ARPC2: variants seen among roughly 807,000 people sequenced by gnomAD.
ARPC2 encodes the protein actin-related protein 2/3 complex subunit 2.
In ARPC2, 4 loss-of-function variants were observed where a neutral mutation model predicts 38.6. The observed-to-expected ratio is 0.10, with a 90% CI of 0.05 to 0.24. The LOEUF (loss-of-function observed/expected upper bound fraction) is 0.24. ARPC2 is among the 10% of genes least tolerant of loss of function. The probability of loss-of-function intolerance (pLI) is 1.00; values close to 1 mark genes in which losing one functional copy is unlikely to be tolerated. For missense variants in ARPC2, 229 were observed against 387.3 expected, an observed-to-expected ratio of 0.59 and a Z score of 3.43; for synonymous variants, 125 against 140.8, an observed-to-expected ratio of 0.89 and a Z score of 0.79.
At position 218,219,242 on chromosome 2, in the gene ARPC2, G is replaced by A. The variant is rs139072039; in HGVS notation, c.74+1698G>A. On this transcript the variant is annotated intron_variant, in intron 2 of 10. Coordinates refer to ENST00000315717, the MANE Select transcript of ARPC2 (RefSeq NM_152862.3). ...GATTCCAAAATGTGGCCCATTATTCGGAACTTCAGTTCTTTCTTTTTCTTT... is the reference window on the plus strand; with the variant it reads ...GATTCCAAAATGTGGCCCATTATTCAGAACTTCAGTTCTTTCTTTTTCTTT... Among the ~76,000 whole-genome samples, 29 of 152,142 alleles carry A rather than the reference G, an allele frequency of 1.9e-4. 2 individuals carry two copies. The East Asian group carries it at 5.2e-3, about 27-fold the overall frequency.
intron 2 of ARPC2, 37 bp downstream of exon 2, chr2:218,217,581 G>A: frequency 1.9e-6 from 3 of 1,578,894 alleles, no homozygotes; most frequent in Non-Finnish European, 1.7e-6. Context: ...GGCGGGGGAA[G>A]CAGAGTTGAC....
At chr2:218,245,182 T>C (rs79498936) in intron 7 of ARPC2, among the ~76,000 whole-genome samples, 1,874 of 152,344 alleles carry the variant, frequency 0.012, 42 homozygotes, top group African/African-American at 0.042. Flanking sequence ...TCACTACTTT[T>C]CATCACATTT....
chr2:218,237,850 G>A (rs867051390), intron 5 of ARPC2, among the ~76,000 whole-genome samples: 2 of 152,288 alleles, frequency 1.3e-5, no homozygotes, highest in South Asian at 4.1e-4. Flanking sequence ...TTACAGGTGT[G>A]AGCCACCACA....
At chr2:218,245,381 C>T (rs1690007489) in intron 7 of ARPC2, 39 bp from the exon 8 acceptor site, 1 of 1,612,934 alleles carries the variant, frequency 6.2e-7, no homozygotes, top group African/African-American at 1.3e-5. Context: ...TCATCTTACA[C>T]CCACTTCTCT....
At chr2:218,248,897 G>T (rs1000965200) in intron 8 of ARPC2, among the ~76,000 whole-genome samples, 1 of 152,166 alleles carries the variant, frequency 6.6e-6, no homozygotes, top group Non-Finnish European at 1.5e-5. Context: ...TGAGAATATG[G>T]GAAATTCTCT....
chr2:218,234,010 CA>C (rs920505135), intron 4 of ARPC2: 64 of 166,164 alleles, frequency 3.9e-4, no homozygotes, highest in South Asian at 1.2e-3. Flanking sequence ...ACTAAAAATA[CA>C]AAAAAAAATT....
At chr2:218,237,056 A>G (rs1689789999) in intron 5 of ARPC2, among the ~76,000 whole-genome samples, 1 of 152,164 alleles carries the variant, frequency 6.6e-6, no homozygotes, top group Non-Finnish European at 1.5e-5. Context: ...TGCTGTAAAA[A>G]GGCAGGTCAT....
chr2:218,245,679 A>G, intron 8 of ARPC2, 133 bp downstream of exon 8: 1 of 1,226,694 alleles, frequency 8.2e-7, no homozygotes, highest in African/African-American at 1.5e-5. Context: ...TCCTGTTGCC[A>G]TTGCAGTGAC....
Position 218,218,183 on chromosome 2 carries a change from C to G in ARPC2, c.74+639C>G, listed in dbSNP as rs143741173. Among the ~76,000 whole-genome samples, 563 of 148,004 alleles carry G rather than the reference C, an allele frequency of 3.8e-3. 6 individuals carry two copies. Among genetic ancestry groups the G allele is most frequent in the Non-Finnish European group, 6.7e-3 (446 of 66,410 alleles). The stretch of plus-strand genomic sequence containing the variant: ...TTAAAGCAAAGCCAATTGTCCCTCG[C>G]TCCACACCCCTTCCTTATCTCTCCT... On this transcript the variant is annotated intron_variant, in intron 2 of 10. Coordinates refer to ENST00000315717, the MANE Select transcript of ARPC2 (RefSeq NM_152862.3).
chr2:218,248,728 C>G (rs1690107198), intron 8 of ARPC2, among the ~76,000 whole-genome samples: 1 of 152,244 alleles, frequency 6.6e-6, no homozygotes, highest in East Asian at 1.9e-4. Context: ...TCCCAAAGTG[C>G]TGGGATTACA....
intron 2 of ARPC2, among the ~76,000 whole-genome samples, chr2:218,223,066 G>C: frequency 6.6e-6 from 1 of 152,202 alleles, no homozygotes; most frequent in East Asian, 1.9e-4. Context: ...GACACCGTTT[G>C]AGAAACTTTG....
chr2:218,226,996 G>A (rs1689513303), intron 3 of ARPC2: 1 of 456,490 alleles, frequency 2.2e-6, no homozygotes, highest in Admixed American at 2.4e-5. Flanking sequence ...TACTTGTTAG[G>A]TGAATGAACT....
intron 3 of ARPC2, chr2:218,227,098 G>T: frequency 4.4e-6 from 2 of 449,678 alleles, no homozygotes; most frequent in South Asian, 1.6e-5. Flanking sequence ...TTACCTGGAG[G>T]CCAGGCACCA....
At chr2:218,224,995 C>G (rs1418501808) in intron 2 of ARPC2, among the ~76,000 whole-genome samples, 1 of 152,196 alleles carries the variant, frequency 6.6e-6, no homozygotes, top group Non-Finnish European at 1.5e-5. Flanking sequence ...ACATGCGCAT[C>G]TTGTTTGCTA....
At chr2:218,238,569 C>G in intron 5 of ARPC2, 95 bp from the exon 6 acceptor site, 2 of 947,574 alleles carry the variant, frequency 2.1e-6, no homozygotes, top group Non-Finnish European at 3.1e-6. Flanking sequence ...TCTCTGTTTA[C>G]TTGGTATAGA....
intron 2 of ARPC2, among the ~76,000 whole-genome samples, chr2:218,219,264 C>A (rs1689329306): frequency 6.6e-6 from 1 of 152,030 alleles, no homozygotes; most frequent in Non-Finnish European, 1.5e-5. Flanking sequence ...CTTTCTTTTT[C>A]TTTTAGAAAA....
At chr2:218,244,451 C>T (rs1032627606) in intron 7 of ARPC2, among the ~76,000 whole-genome samples, 3 of 152,234 alleles carry the variant, frequency 2.0e-5, no homozygotes, top group African/African-American at 7.2e-5. Context: ...TGCTTTCTCT[C>T]AGCAAGGCAT....
intron 9 of ARPC2, 86 bp from the exon 10 acceptor site, chr2:218,249,726 TCCCAACCGC>T: frequency 8.0e-7 from 1 of 1,248,532 alleles, no homozygotes; most frequent in Non-Finnish European, 1.1e-6. Context: ...GGGTGTATGT[TCCCAACCGC>T]CCTTGATGAC....
intron 2 of ARPC2, among the ~76,000 whole-genome samples, chr2:218,221,064 T>C (rs1254277861): frequency 6.6e-6 from 1 of 152,222 alleles, no homozygotes; most frequent in African/African-American, 2.4e-5. Flanking sequence ...CTTTCGTTAG[T>C]GTACACACCA....
Sources: gnomAD v4.1 joint callset for allele counts (sites outside exome capture counted in the v4.1 genomes callset) on GRCh38, gnomAD v4.1.1 for gene constraint, MANE v1.5 for transcripts, NCBI Gene and HGNC (gene_info 2026-07-23, HGNC 2026-07-21) for gene names.